WWOX: variants seen among roughly 807,000 people sequenced by gnomAD.
The protein encoded by WWOX is WW domain-containing oxidoreductase.
WWOX carries 69 observed loss-of-function variants against 46.2 expected under a neutral mutation model. That is an observed-to-expected ratio of 1.49 (90% confidence interval 1.23 to 1.82). The LOEUF is 1.82. Among genes scored for constraint, WWOX ranks in the 40% most tolerant of loss-of-function variants. WWOX has a pLI of 0.00. For synonymous variants in WWOX, 359 were observed against 202.6 expected, an observed-to-expected ratio of 1.77 and a Z score of -6.56; for missense variants, 919 against 542.6, an observed-to-expected ratio of 1.69 and a Z score of -6.89.
At position 78,144,448 on chromosome 16, in the gene WWOX, C is replaced by CATATATATATATATATATATATAT. The variant is rs1447794716; in HGVS notation, c.410-19734_410-19733insTATATATATATATATATATATATA. 1.1e-4 allele frequency among the ~76,000 whole-genome samples: 2 copies of CATATATATATATATATATATATAT among 17,580 alleles called. 1 individual carries two copies. The highest frequency in any genetic ancestry group is 2.9e-4 in the African/African-American group (2 of 6,934). 11.5% of individuals were successfully genotyped at this position (17,580 alleles called of 152,430 possible). A position where few individuals can be genotyped will look rare whatever the true frequency, so the allele number is the denominator to read the frequency against. ...CCATTACTATATATATATATATATA[C>CATATATATATATATATATATATAT]ACATATATATATATACACACATATA... On this transcript the variant is annotated intron_variant, in intron 4 of 8. Coordinates refer to ENST00000566780, the MANE Select transcript of WWOX (RefSeq NM_016373.4).
At chr16:78,393,960 C>T (rs536335755) in intron 6 of WWOX, among the ~76,000 whole-genome samples, 2 of 152,128 alleles carry the variant, frequency 1.3e-5, no homozygotes, top group African/African-American at 4.8e-5. Context: ...TGCTAAATTA[C>T]TTTCAGAACT....
At chr16:78,672,976 C>T (rs997822704) in intron 8 of WWOX, among the ~76,000 whole-genome samples, 8 of 152,216 alleles carry the variant, frequency 5.3e-5, no homozygotes, top group African/African-American at 1.9e-4. Flanking sequence ...CTGAGAGCCC[C>T]GGCCACCGCC....
rs1028248477 is a variant in WWOX at position 78,316,235 on chromosome 16, C to T, written c.517-70625C>T. On this transcript the variant is annotated intron_variant, in intron 5 of 8. Transcript: ENST00000566780. ...TACTCCAGTCTGGGCAACAGAGCCA[C>T]ATCTCCAAAAAGGTGGCACTGCAGC... 6.6e-5 allele frequency among the ~76,000 whole-genome samples: 10 copies of T among 152,152 alleles called. No homozygotes were observed. The East Asian group carries it at 1.9e-3, about 29-fold the overall frequency.
rs116218292 is a variant in WWOX, at chr16:79,117,319, T to A, written c.1057-94289T>A. 7.2e-3 allele frequency among the ~76,000 whole-genome samples: 1,095 copies of A among 152,246 alleles called. 18 individuals carry two copies. The highest frequency in any genetic ancestry group is 0.025 in the African/African-American group (1,047 of 41,542). On this transcript the variant is annotated intron_variant, in intron 8 of 8. Coordinates refer to ENST00000566780, the MANE Select transcript of WWOX (RefSeq NM_016373.4). ...CCACCACACTGGACCAAGCAGAATA[T>A]TTTTAAAGGAATACAAATTTTTTCC...
intron 8 of WWOX, among the ~76,000 whole-genome samples, chr16:78,547,478 T>C (rs2044068672): frequency 6.6e-6 from 1 of 152,198 alleles, no homozygotes. Flanking sequence ...TTGACTGTGC[T>C]CTAGACACTG....
At chr16:79,157,824 G>A (rs774365419) in intron 8 of WWOX, among the ~76,000 whole-genome samples, 1 of 152,160 alleles carries the variant, frequency 6.6e-6, no homozygotes, top group East Asian at 1.9e-4. Context: ...TGGGTTCTGT[G>A]GGGAGGACTG....
intron 8 of WWOX, among the ~76,000 whole-genome samples, chr16:78,699,950 C>T (rs2048177342): frequency 6.6e-6 from 1 of 152,064 alleles, no homozygotes; most frequent in Non-Finnish European, 1.5e-5. Flanking sequence ...TTAGTACTCA[C>T]AAGGTAACTG....
chr16:78,757,961 A>T (rs1310938260), intron 8 of WWOX, among the ~76,000 whole-genome samples: 2 of 152,088 alleles, frequency 1.3e-5, no homozygotes, highest in Non-Finnish European at 2.9e-5. Flanking sequence ...GGGGGGACAC[A>T]TTGATTCCAC....
chr16:78,950,749 A>C (rs2046043665), intron 8 of WWOX, among the ~76,000 whole-genome samples: 1 of 152,172 alleles, frequency 6.6e-6, no homozygotes, highest in South Asian at 2.1e-4. Flanking sequence ...GGAGTTTTCA[A>C]ATGAAATCTG....
intron 8 of WWOX, among the ~76,000 whole-genome samples, chr16:78,797,994 C>G (rs2050788676): frequency 6.6e-6 from 1 of 152,134 alleles, no homozygotes; most frequent in African/African-American, 2.4e-5. Context: ...TCTCTAAAAA[C>G]AAAAGCAAAG....
chr16:78,739,724 TCG>T (rs2049171099), intron 8 of WWOX, among the ~76,000 whole-genome samples: 1 of 152,088 alleles, frequency 6.6e-6, no homozygotes, highest in African/African-American at 2.4e-5. Context: ...GGCAGGAGAA[TCG>T]CTTGAACCCA....
chr16:78,571,120 C>T (rs535460541), intron 8 of WWOX, among the ~76,000 whole-genome samples: 1 of 152,250 alleles, frequency 6.6e-6, no homozygotes, highest in South Asian at 2.1e-4. Flanking sequence ...TAGTTACTTA[C>T]AGTAGAAGAG....
At chr16:78,399,547 C>G (rs1048006107) in intron 6 of WWOX, among the ~76,000 whole-genome samples, 2 of 152,182 alleles carry the variant, frequency 1.3e-5, no homozygotes, top group African/African-American at 2.4e-5. Context: ...TCAGCCCAGT[C>G]TATCAAGCCT....
chr16:78,998,037 T>C (rs1432963035), intron 8 of WWOX, among the ~76,000 whole-genome samples: 1 of 152,044 alleles, frequency 6.6e-6, no homozygotes, highest in Non-Finnish European at 1.5e-5. Flanking sequence ...CCACCATACC[T>C]AGCTAATTTT....
chr16:78,797,944 C>CA (rs887010468), intron 8 of WWOX, among the ~76,000 whole-genome samples: 2 of 152,308 alleles, frequency 1.3e-5, no homozygotes, highest in African/African-American at 4.8e-5. Flanking sequence ...GTCATGGTCA[C>CA]ACCACTGCCC....
At chr16:78,570,355 C>T (rs986161869) in intron 8 of WWOX, among the ~76,000 whole-genome samples, 2 of 152,168 alleles carry the variant, frequency 1.3e-5, no homozygotes, top group African/African-American at 4.8e-5. Context: ...GAGACAGGAT[C>T]TGGAGTGTGG....
intron 5 of WWOX, among the ~76,000 whole-genome samples, chr16:78,249,380 G>A (rs528572097): frequency 1.3e-5 from 2 of 152,336 alleles, no homozygotes; most frequent in East Asian, 1.9e-4. Context: ...AATGCCACTC[G>A]TATTGTTTAT....
Position 78,827,683 on chromosome 16 carries a change from A to AT in WWOX, c.1057-383925_1057-383924insT, listed in dbSNP as rs539592726. Among the ~76,000 whole-genome samples, 67 of 151,382 alleles carry AT rather than the reference A, an allele frequency of 4.4e-4. 1 individual carries two copies. The South Asian group carries it at 0.014, about 31-fold the overall frequency. On this transcript the variant is annotated intron_variant, in intron 8 of 8. Transcript: ENST00000566780. The stretch of plus-strand genomic sequence containing the variant: ...CCCCATCTCTACTAAAAATAAAAAA[A>AT]AAAAAAAATTAGCCAGGCATGGTGG...
chr16:79,176,452 G>A (rs2050801979), intron 8 of WWOX, among the ~76,000 whole-genome samples: 1 of 152,200 alleles, frequency 6.6e-6, no homozygotes, highest in Non-Finnish European at 1.5e-5. Context: ...AAGAGCAAAT[G>A]GATTTTTGTT....
Sources: allele counts gnomAD v4.1 joint callset (sites outside exome capture counted in the v4.1 genomes callset), GRCh38; gene constraint gnomAD v4.1.1; transcripts MANE v1.5; gene names NCBI Gene and HGNC (gene_info 2026-07-23, HGNC 2026-07-21).